Variants in COMMD9 observed in about 807,000 individuals in gnomAD.
The protein encoded by COMMD9 is COMM domain containing 9.
Under a neutral mutation model 23.4 loss-of-function variants are expected in COMMD9, and 22 were observed. That is an observed-to-expected ratio of 0.94 (90% CI 0.67 to 1.34). The LOEUF is 1.34. Ranked by LOEUF, COMMD9 falls within the 40% of genes most tolerant of loss-of-function variation. The pLI is 0.00. For synonymous variants in COMMD9, 99 were observed against 97.4 expected (o/e 1.02, Z -0.10); for missense variants, 231 against 240.2 (o/e 0.96, Z 0.25).
chr11:36,280,429 T>C (rs1393034263), intron 2 of COMMD9, among the ~76,000 whole-genome samples: 1 of 152,200 alleles, frequency 6.6e-6, no homozygotes, highest in Non-Finnish European at 1.5e-5. Context: ...CCCTAAGCTA[T>C]CCAGCTAACA....
chr11:36,286,279 G>A (rs1856149532), intron 1 of COMMD9, among the ~76,000 whole-genome samples: 1 of 151,728 alleles, frequency 6.6e-6, no homozygotes, highest in Non-Finnish European at 1.5e-5. Context: ...GCTGGGCATG[G>A]TGGCTCACAT....
chr11:36,278,504 AG>A lies in COMMD9; in HGVS notation c.289del (p.Leu97CysfsTer2). 6.2e-7 allele frequency: 1 copy of A among 1,614,030 alleles called. No individual in the cohort carries two copies. The highest frequency in any genetic ancestry group is 8.5e-7 in the Non-Finnish European group (1 of 1,179,836). ...PENFHQNLKN[L>X]LTKIILEHVS... ...ATGTTCTAGGATGATCTTTGTCAGC[AG>A]GTTTTTGAGGTTTTGGTGGAAATTT... On this transcript the variant is annotated frameshift_variant, in exon 3 of 6. Transcript: ENST00000263401. LOFTEE classifies it high-confidence loss of function.
chr11:36,277,135 G>A lies in COMMD9; in HGVS notation c.318-12C>T, dbSNP rs901762448. On this transcript the variant is annotated splice_polypyrimidine_tract_variant and intron_variant, in intron 3 of 5. Transcript: ENST00000263401. ...TTCTCCAAGTAGACCTGTTTAAGAG[G>A]GAAAGATGAGGAAAAAATAATGGAA... 1.9e-6 allele frequency: 3 copies of A among 1,576,574 alleles called. No homozygotes were observed. The highest frequency in any genetic ancestry group is 1.4e-5 in the African/African-American group (1 of 73,572).
intron 1 of COMMD9, among the ~76,000 whole-genome samples, chr11:36,286,395 C>CAAAAAAAAAAAAAAAAAAAAAAAAA (rs138463305): frequency 2.6e-5 from 2 of 76,948 alleles, no homozygotes; most frequent in Non-Finnish European, 4.7e-5. Flanking sequence ...ACTAAAAATA[C>CAAAAAAAAAAAAAAAAAAAAAAAAA]AAAAAAAAAA....
chr11:36,287,100 A>ACAT (rs1856173509), intron 1 of COMMD9, among the ~76,000 whole-genome samples: 1 of 132,432 alleles, frequency 7.6e-6, no homozygotes, highest in African/African-American at 2.7e-5. Context: ...CATACTATGT[A>ACAT]TATCGCGTAG....
chr11:36,272,387 G>C lies in COMMD9; in HGVS notation c.*2245C>G, dbSNP rs1300082196. 1 of 153,054 alleles carries C rather than the reference G, an allele frequency of 6.5e-6. No homozygotes were observed. The highest frequency in any genetic ancestry group is 2.4e-5 in the African/African-American group (1 of 41,456). 9.5% of individuals were successfully genotyped at this position (153,054 alleles called of 1,614,324 possible). On this transcript the variant is annotated 3_prime_UTR_variant, in exon 6 of 6. Transcript: ENST00000263401. ...GGCTCTATTCGGACAGATCTGGCTA[G>C]AGGAAATGTCCAACTGCCCAGACAC...
intron 4 of COMMD9, chr11:36,276,523 T>A: frequency 2.8e-6 from 1 of 357,326 alleles, no homozygotes; most frequent in African/African-American, 2.0e-5. Context: ...AGAAGTGACA[T>A]AAAGCAGAGA....
intron 1 of COMMD9, 146 bp from the exon 2 acceptor site, chr11:36,280,983 A>C: frequency 1.2e-6 from 1 of 854,992 alleles, no homozygotes; most frequent in Non-Finnish European, 1.7e-6. Context: ...AAGATCAAAT[A>C]GATGTACTTT....
intron 5 of COMMD9, among the ~76,000 whole-genome samples, chr11:36,274,986 C>G (rs1389935387): frequency 6.6e-6 from 1 of 152,220 alleles, no homozygotes; most frequent in Non-Finnish European, 1.5e-5. Flanking sequence ...CCATTTGCAA[C>G]AAGTGCCTTG....
At position 36,274,743 on chromosome 11, in the gene COMMD9, G is replaced by A; in HGVS notation, c.486C>T (p.Asp162=). ...CGGTGACAGCTGAGATGGAGGGTTT[G>A]TCTCCGCATAGGCTGGGATCTTCTT... is the stretch of plus-strand genomic sequence containing the variant. ...KIQEDPSLCG[D]KPSISAVTVE... is the part of the protein sequence containing the mutation. The change falls in exon 6 of 6, where the codon GAC becomes GAT. Residue 162 remains aspartate, a synonymous_variant. Transcript: ENST00000263401. 6.2e-7 allele frequency: 1 copy of A among 1,614,278 alleles called. No individual in the cohort carries two copies. The highest frequency in any genetic ancestry group is 8.5e-7 in the Non-Finnish European group (1 of 1,180,042).
rs777955469 is a variant in COMMD9 at position 36,280,829 on chromosome 11, C to T, written c.60G>A (p.Ser20=). The change falls in exon 2 of 6, where the codon TCG becomes TCA. Residue 20 remains serine, a synonymous_variant. Transcript: ENST00000263401. ...GACACAGCTGTCTGACAACATCTTT[C>T]GAGGAGGCCTATGAATTAAATCACA... is the stretch of plus-strand genomic sequence containing the variant. ...AALQSLLKAS[S]KDVVRQLCQE... 1.5e-5 allele frequency: 23 copies of T among 1,576,012 alleles called. No individual in the cohort carries two copies. The highest frequency in any genetic ancestry group is 5.5e-5 in the African/African-American group (4 of 72,984).
intron 5 of COMMD9, among the ~76,000 whole-genome samples, chr11:36,275,411 T>C (rs776039304): frequency 6.6e-6 from 1 of 150,560 alleles, no homozygotes; most frequent in Non-Finnish European, 1.5e-5. Flanking sequence ...AGCAAGAAAA[T>C]GAAGACCTGA....
chr11:36,274,183 C>A lies in COMMD9; in HGVS notation c.*449G>T. On this transcript the variant is annotated 3_prime_UTR_variant, in exon 6 of 6. Transcript: ENST00000263401. Reference sequence around the variant, plus strand: ...CTGCCTGGCTTCCCTGACAGAGGAGCAGGAACTGCTGGCATCACCTGTCCG... The same window carrying A: ...CTGCCTGGCTTCCCTGACAGAGGAGAAGGAACTGCTGGCATCACCTGTCCG... The A allele has an allele frequency of 2.3e-6, 1 of 443,452 alleles. No homozygotes were observed. The highest frequency in any genetic ancestry group is 1.6e-5 in the South Asian group (1 of 62,566). The allele number at this position is 443,452 out of a possible 1,614,324, so 27.5% of individuals were successfully genotyped here. A position where few individuals can be genotyped will look rare whatever the true frequency, so the allele number is the denominator to read the frequency against.
Position 36,280,786 on chromosome 11 carries a change from A to T in COMMD9, c.103T>A (p.Ser35Thr). 6.2e-7 allele frequency: 1 copy of T among 1,610,556 alleles called. No individual in the cohort carries two copies. Among genetic ancestry groups the T allele is most frequent in the Non-Finnish European group, 8.5e-7 (1 of 1,177,554 alleles). The change falls in exon 2 of 6, where the codon TCA becomes ACA. Residue 35 changes from serine (S) to threonine (T), a missense_variant. Ser to Thr is a moderately conservative substitution (Grantham distance 58, BLOSUM62 1). Transcript: ENST00000263401. Reference sequence around the variant, plus strand: ...AAGAGTTTTTTCAAGCCAAGGGCTGAACTGGAAAAGCTTTCTTGACACAGC... The same window carrying T: ...AAGAGTTTTTTCAAGCCAAGGGCTGTACTGGAAAAGCTTTCTTGACACAGC... The part of the protein sequence containing the change: ...RQLCQESFSS[S>T]ALGLKKLLDV...
At position 36,277,070 on chromosome 11, in the gene COMMD9, C is replaced by T. The variant is rs1049114882; in HGVS notation, c.352+19G>A. ...GGGGAGACAAGTAAGAAGGGAGGGG[C>T]AGATTTATTGGTACTCACTCTGATT... is the stretch of plus-strand genomic sequence containing the variant. On this transcript the variant is annotated intron_variant, in intron 4 of 5. Transcript: ENST00000263401. 2 of 1,596,304 alleles carry T rather than the reference C, an allele frequency of 1.3e-6. No homozygotes were observed. Among genetic ancestry groups the T allele is most frequent in the Non-Finnish European group, 8.5e-7 (1 of 1,171,112 alleles).
At chr11:36,281,867 A>C (rs1235799722) in intron 1 of COMMD9, among the ~76,000 whole-genome samples, 1 of 152,266 alleles carries the variant, frequency 6.6e-6, no homozygotes, top group East Asian at 1.9e-4. Flanking sequence ...AAGAATTTTA[A>C]GTAGCCAGAT....
chr11:36,276,405 G>T, intron 4 of COMMD9, 165 bp from the exon 5 acceptor site: 1 of 604,486 alleles, frequency 1.7e-6, no homozygotes. Flanking sequence ...AGCGAGTCAT[G>T]TGCCTTACCC....
rs1855968961 is a variant in COMMD9 at position 36,276,186 on chromosome 11, G to A, written c.407C>T (p.Ser136Leu). 1.2e-6 allele frequency: 2 copies of A among 1,614,154 alleles called. No homozygotes were observed. The highest frequency in any genetic ancestry group is 3.3e-5 in the Admixed American group (2 of 60,022). Residue 136 changes from serine to leucine, a missense_variant, in exon 5 of 6, where the codon TCA (serine) becomes TTA (leucine). Coordinates refer to ENST00000263401, the MANE Select transcript of COMMD9 (RefSeq NM_014186.4). ...GACGGCCATGCGGCTGATGCTGTCT[G>A]AGGAGGTTTTGATATCCACTCTCCA... ...LDWRVDIKTSSDSISRMAVPT... is the reference protein window; with the variant it reads ...LDWRVDIKTSLDSISRMAVPT...
rs573327730 is a variant in COMMD9, at chr11:36,278,962, C to T, written c.178-346G>A. 2.0e-4 allele frequency among the ~76,000 whole-genome samples: 30 copies of T among 152,270 alleles called. 1 individual carries two copies. Among genetic ancestry groups the T allele is most frequent in the Middle Eastern group, 3.4e-3 (1 of 294 alleles). ...TTTCTGGTGCTGTTTCCCTGGTAAC[C>T]TGAGAGCAGTGCAAAGTCAGCTGTG... On this transcript the variant is annotated intron_variant, in intron 2 of 5. Coordinates refer to ENST00000263401, the MANE Select transcript of COMMD9 (RefSeq NM_014186.4).
Sources: allele counts gnomAD v4.1 joint callset (sites outside exome capture counted in the v4.1 genomes callset), GRCh38; gene constraint gnomAD v4.1.1; transcripts MANE v1.5; gene names NCBI Gene and HGNC (gene_info 2026-07-23, HGNC 2026-07-21).